GPRIN3: variants seen among roughly 807,000 people sequenced by gnomAD.
The protein encoded by GPRIN3 is G protein-regulated inducer of neurite outgrowth 3.
In GPRIN3, 12 loss-of-function variants were observed where a neutral mutation model predicts 13.7. The observed-to-expected ratio is 0.87, with a 90% confidence interval of 0.56 to 1.42. The LOEUF (loss-of-function observed/expected upper bound fraction) is 1.42, where lower values mean the gene tolerates loss of function less well. GPRIN3 is among the 40% of genes most tolerant of loss of function. The pLI is 0.00. For synonymous variants in GPRIN3, 377 were observed against 372.7 expected (o/e 1.01, Z -0.13); for missense variants, 1,009 against 958.7 (o/e 1.05, Z -0.69).
At chr4:89,275,701 G>T (rs1302745019) in intron 1 of GPRIN3, among the ~76,000 whole-genome samples, 1 of 152,160 alleles carries the variant, frequency 6.6e-6, no homozygotes, top group African/African-American at 2.4e-5. Flanking sequence ...CCCAAGAAAT[G>T]GTTGTGTAAC....
Position 89,238,153 on chromosome 4 carries a change from T to A in GPRIN3, c.*9627A>T, listed in dbSNP as rs1195385874. ...ACACACAGCAGCTGGAGGGAGAGTATGGCTCTTGGAAATTTTGAAGCAATC... is the reference window on the plus strand; with the variant it reads ...ACACACAGCAGCTGGAGGGAGAGTAAGGCTCTTGGAAATTTTGAAGCAATC... On this transcript the variant is annotated 3_prime_UTR_variant, in exon 2 of 2. Coordinates refer to ENST00000609438, the MANE Select transcript of GPRIN3 (RefSeq NM_198281.3). 6.6e-6 allele frequency: 1 copy of A among 151,944 alleles called. No homozygotes were observed. The highest frequency in any genetic ancestry group is 1.5e-5 in the Non-Finnish European group (1 of 67,992). 9.4% of individuals were successfully genotyped at this position (151,944 alleles called of 1,614,324 possible).
chr4:89,272,541 C>T lies in GPRIN3; in HGVS notation c.-123-22308G>A, dbSNP rs61161496. Among the ~76,000 whole-genome samples the T allele has an allele frequency of 5.5e-3, 832 of 152,250 alleles. 10 individuals are homozygous for T. Among genetic ancestry groups the T allele is most frequent in the African/African-American group, 0.019 (793 of 41,520 alleles). ...GAGCATTTAACTCAAACTTCCATTTCCTCTGAATTTGTTTGGTACTTTTCT... is the reference window on the plus strand; with the variant it reads ...GAGCATTTAACTCAAACTTCCATTTTCTCTGAATTTGTTTGGTACTTTTCT... On this transcript the variant is annotated intron_variant, in intron 1 of 1. Coordinates refer to ENST00000609438, the MANE Select transcript of GPRIN3 (RefSeq NM_198281.3).
rs1204205717 is a variant in GPRIN3, at chr4:89,239,917, C to G, written c.*7863G>C. 1 of 152,164 alleles carries G rather than the reference C, an allele frequency of 6.6e-6. No individual in the cohort carries two copies. Among genetic ancestry groups the G allele is most frequent in the Non-Finnish European group, 1.5e-5 (1 of 68,044 alleles). The allele number at this position is 152,164 out of a possible 1,614,324, so 9.4% of individuals were successfully genotyped here. ...CCTCAGGTGATCTGCCTGCCTTGGCCTCCCAAAGTGCTGGGATTGCAGGTG... is the reference window on the plus strand; with the variant it reads ...CCTCAGGTGATCTGCCTGCCTTGGCGTCCCAAAGTGCTGGGATTGCAGGTG... On this transcript the variant is annotated 3_prime_UTR_variant, in exon 2 of 2. Transcript: ENST00000609438.
intron 1 of GPRIN3, among the ~76,000 whole-genome samples, chr4:89,276,308 T>C (rs1724091382): frequency 6.6e-6 from 1 of 152,224 alleles, no homozygotes; most frequent in African/African-American, 2.4e-5. Context: ...CTTTAAAATA[T>C]TTATTTTAGT....
chr4:89,270,565 T>TTATATATATATATATATATATATA (rs1199230242), intron 1 of GPRIN3, among the ~76,000 whole-genome samples: 6 of 82,336 alleles, frequency 7.3e-5, no homozygotes, highest in East Asian at 4.1e-4. Context: ...TGTATATAAT[T>TTATATATATATATATATATATATA]TATATATATA....
At chr4:89,276,989 A>T (rs1724112235) in intron 1 of GPRIN3, among the ~76,000 whole-genome samples, 1 of 152,230 alleles carries the variant, frequency 6.6e-6, no homozygotes, top group East Asian at 1.9e-4. Context: ...AATTTACATT[A>T]AAAAAGATAA....
chr4:89,273,143 C>T (rs1403579023), intron 1 of GPRIN3, among the ~76,000 whole-genome samples: 10 of 152,044 alleles, frequency 6.6e-5, no homozygotes, highest in Non-Finnish European at 1.2e-4. Flanking sequence ...AAATGATAAC[C>T]CCAGTTATAG....
rs1056893182 is a variant in GPRIN3, at chr4:89,245,207, T to C, written c.*2573A>G. The C allele has an allele frequency of 6.6e-6, 1 of 152,198 alleles. No homozygotes were observed. The highest frequency in any genetic ancestry group is 2.4e-5 in the African/African-American group (1 of 41,430). 9.4% of individuals were successfully genotyped at this position (152,198 alleles called of 1,614,324 possible). ...TTATCCATCTGAAGATATATTTCTG[T>C]TAATGTCCTTAAAAGCTGTTAGTTA... On this transcript the variant is annotated 3_prime_UTR_variant, in exon 2 of 2. Transcript: ENST00000609438.
intron 1 of GPRIN3, among the ~76,000 whole-genome samples, chr4:89,256,550 G>A (rs1408673049): frequency 6.6e-6 from 1 of 152,166 alleles, no homozygotes; most frequent in African/African-American, 2.4e-5. Context: ...GATGGGGAGA[G>A]GTGTGGTGGC....
intron 1 of GPRIN3, among the ~76,000 whole-genome samples, chr4:89,257,613 G>A (rs916804875): frequency 2.0e-5 from 3 of 152,214 alleles, no homozygotes; most frequent in Non-Finnish European, 2.9e-5. Context: ...CTAGTGAGTT[G>A]TGCAGACCGA....
intron 1 of GPRIN3, among the ~76,000 whole-genome samples, chr4:89,289,142 G>A (rs1049592625): frequency 1.3e-5 from 2 of 148,904 alleles, no homozygotes; most frequent in African/African-American, 2.5e-5. Flanking sequence ...TGATAATCTC[G>A]TATGATCTTA....
At chr4:89,306,916 A>C (rs967579663) in intron 1 of GPRIN3, among the ~76,000 whole-genome samples, 13 of 151,952 alleles carry the variant, frequency 8.6e-5, no homozygotes, top group Non-Finnish European at 1.8e-4. Flanking sequence ...TGATGCCTAC[A>C]TCGTTTCCAT....
chr4:89,279,799 T>C (rs1724196393), intron 1 of GPRIN3, among the ~76,000 whole-genome samples: 1 of 152,178 alleles, frequency 6.6e-6, no homozygotes, highest in African/African-American at 2.4e-5. Context: ...TTCTTTTTTC[T>C]CAGTTCATTT....
In GPRIN3 at chr4:89,248,253, C is replaced by T. The variant is rs1723172610; in HGVS notation, c.1858G>A (p.Gly620Ser). The T allele has an allele frequency of 3.1e-6, 5 of 1,614,040 alleles. No homozygotes were observed. The highest frequency in any genetic ancestry group is 2.2e-5 in the South Asian group (2 of 91,086). ...ACGGAGCGAGATGGGGTCTTCTTGC[C>T]AGAACCTGGGCTGGAGTCACCCATG... ...DPMGDSSPGS[G>S]KKTPSRSVKA... Residue 620 changes from glycine (G) to serine (S), a missense_variant, in exon 2 of 2, where the codon GGC (glycine) becomes AGC (serine). Physicochemically the swap from Gly to Ser is moderately conservative, Grantham distance 56 (BLOSUM62 0). Coordinates refer to ENST00000609438, the MANE Select transcript of GPRIN3 (RefSeq NM_198281.3).
intron 1 of GPRIN3, among the ~76,000 whole-genome samples, chr4:89,280,131 A>G (rs1251672403): frequency 6.6e-6 from 1 of 152,132 alleles, no homozygotes; most frequent in Non-Finnish European, 1.5e-5. Flanking sequence ...ATCCAACTAA[A>G]CATCCAACTA....
rs1043339644 is a variant in GPRIN3, at chr4:89,243,473, G to T, written c.*4307C>A. ...AAAGGGCCACGCACAACATCAGGAAGCATTGCTAACAGAAAACAAAATGCT... is the reference window on the plus strand; with the variant it reads ...AAAGGGCCACGCACAACATCAGGAATCATTGCTAACAGAAAACAAAATGCT... On this transcript the variant is annotated 3_prime_UTR_variant, in exon 2 of 2. Transcript: ENST00000609438. 6.6e-6 allele frequency: 1 copy of T among 152,174 alleles called. No homozygotes were observed. Among genetic ancestry groups the T allele is most frequent in the African/African-American group, 2.4e-5 (1 of 41,436 alleles). 9.4% of individuals were successfully genotyped at this position (152,174 alleles called of 1,614,324 possible).
intron 1 of GPRIN3, among the ~76,000 whole-genome samples, chr4:89,303,581 T>C (rs1724956953): frequency 1.3e-5 from 2 of 151,790 alleles, no homozygotes; most frequent in African/African-American, 4.8e-5. Context: ...AGGTCAAATA[T>C]ACAGAGCTAG....
chr4:89,265,804 T>C (rs1723763927), intron 1 of GPRIN3, among the ~76,000 whole-genome samples: 1 of 152,230 alleles, frequency 6.6e-6, no homozygotes, highest in African/African-American at 2.4e-5. Flanking sequence ...TAATATAATT[T>C]ATTTGCCAAT....
chr4:89,306,137 A>C (rs979920410), intron 1 of GPRIN3, among the ~76,000 whole-genome samples: 1 of 152,304 alleles, frequency 6.6e-6, no homozygotes, highest in South Asian at 2.1e-4. Context: ...AACACACACA[A>C]AAACTCGAAA....
Sources: allele counts gnomAD v4.1 joint callset (sites outside exome capture counted in the v4.1 genomes callset), GRCh38; gene constraint gnomAD v4.1.1; transcripts MANE v1.5; gene names NCBI Gene and HGNC (gene_info 2026-07-23, HGNC 2026-07-21).